Variants in ITPRIP observed in about 807,000 individuals in gnomAD.
ITPRIP encodes the protein inositol 1,4,5-trisphosphate receptor interacting protein.
In ITPRIP, 32 loss-of-function variants were observed where a neutral mutation model predicts 35.8. That is an observed-to-expected ratio of 0.89 (90% CI 0.68 to 1.20). The LOEUF (loss-of-function observed/expected upper bound fraction) is 1.20, where lower values mean the gene tolerates loss of function less well. Ranked by LOEUF, ITPRIP falls within the 50% of genes most tolerant of loss-of-function variation. ITPRIP has a pLI of 0.00. For synonymous variants in ITPRIP, 358 were observed against 324.0 expected, an observed-to-expected ratio of 1.11 and a Z score of -1.13; for missense variants, 653 against 735.6, an observed-to-expected ratio of 0.89 and a Z score of 1.30.
chr10:104,311,085 T>G lies in ITPRIP; in HGVS notation c.*3323A>C, dbSNP rs537617902. The G allele has an allele frequency of 7.9e-5, 12 of 152,306 alleles. No homozygotes were observed. Among genetic ancestry groups the G allele is most frequent in the African/African-American group, 2.9e-4 (12 of 41,548 alleles). The allele number at this position is 152,306 out of a possible 1,614,324, so 9.4% of individuals were successfully genotyped here. A position where few individuals can be genotyped will look rare whatever the true frequency, so the allele number is the denominator to read the frequency against. ...CAATGTCTCATGCACGTTAGGCTCC[T>G]GACAAATGCTTGTGGACTATTCATG... On this transcript the variant is annotated 3_prime_UTR_variant, in exon 2 of 2. Transcript: ENST00000337478.
At chr10:104,320,740 GT>G (rs1163464968) in intron 1 of ITPRIP, among the ~76,000 whole-genome samples, 1 of 152,054 alleles carries the variant, frequency 6.6e-6, no homozygotes, top group Admixed American at 6.5e-5. Flanking sequence ...TTTTCACCAT[GT>G]TGGCCAGGCT....
intron 1 of ITPRIP, among the ~76,000 whole-genome samples, chr10:104,334,148 C>T (rs2014199605): frequency 6.6e-6 from 1 of 152,204 alleles, no homozygotes; most frequent in Non-Finnish European, 1.5e-5. Flanking sequence ...TGGCTCTGGG[C>T]ACCTGGAGAT....
rs528105362 is a variant in ITPRIP at position 104,317,748 on chromosome 10, C to T, written c.-13-1684G>A. On this transcript the variant is annotated intron_variant, in intron 1 of 1. Transcript: ENST00000337478. ...CCATTCCCTTTGGCTTGAGCCCGAC[C>T]TGGAATTTGCACAATGAAATTCTTG... Among the ~76,000 whole-genome samples the T allele has an allele frequency of 4.9e-4, 75 of 152,226 alleles. 1 individual carries two copies. The highest frequency in any genetic ancestry group is 6.8e-4 in the Non-Finnish European group (46 of 68,044).
At position 104,328,338 on chromosome 10, in the gene ITPRIP, G is replaced by C. The variant is rs908774352; in HGVS notation, c.-14+9908C>G. The C allele has an allele frequency of 1.2e-4, 118 of 968,202 alleles. 1 individual carries two copies. The highest frequency in any genetic ancestry group is 1.4e-4 in the South Asian group (3 of 20,964). 60.0% of individuals were successfully genotyped at this position (968,202 alleles called of 1,614,324 possible). A position where few individuals can be genotyped will look rare whatever the true frequency, so the allele number is the denominator to read the frequency against. Reference sequence around the variant, plus strand: ...ACCCACAAGGGTGCTGGTTTGGAGAGAGCATGAATACCCACCTTGGGGCAG... The same window carrying C: ...ACCCACAAGGGTGCTGGTTTGGAGACAGCATGAATACCCACCTTGGGGCAG... On this transcript the variant is annotated intron_variant, in intron 1 of 1. Coordinates refer to ENST00000337478, the MANE Select transcript of ITPRIP (RefSeq NM_001272013.2). This position sits in a 1 kb window ranked among gnomAD's most constrained non-coding sequence, Gnocchi z 4.1.
chr10:104,325,444 C>A (rs1429807680), intron 1 of ITPRIP, among the ~76,000 whole-genome samples: 2 of 152,182 alleles, frequency 1.3e-5, no homozygotes, highest in African/African-American at 4.8e-5. Flanking sequence ...CTGATTACTC[C>A]CGTGTCTCCT....
In ITPRIP at chr10:104,319,177, C is replaced by T. The variant is rs572441148; in HGVS notation, c.-13-3113G>A. ...CTGTGGGTGGATCGCACAGCTTCTG[C>T]GCTCCCACGCTTTCCCTGTGAGGAG... On this transcript the variant is annotated intron_variant, in intron 1 of 1. Transcript: ENST00000337478. Among the ~76,000 whole-genome samples the T allele has an allele frequency of 1.0e-3, 158 of 152,356 alleles. 1 individual carries two copies. The highest frequency in any genetic ancestry group is 1.9e-3 in the South Asian group (9 of 4,832).
At position 104,311,030 on chromosome 10, in the gene ITPRIP, G is replaced by C. The variant is rs901776093; in HGVS notation, c.*3378C>G. ...TTCTGCTGCCTCTCCTAGGGAACAGGCTTGGTCCTATTCATTTTCCCATCT... is the reference window on the plus strand; with the variant it reads ...TTCTGCTGCCTCTCCTAGGGAACAGCCTTGGTCCTATTCATTTTCCCATCT... On this transcript the variant is annotated 3_prime_UTR_variant, in exon 2 of 2. Transcript: ENST00000337478. The C allele has an allele frequency of 6.6e-6, 1 of 152,364 alleles. No individual in the cohort carries two copies. The highest frequency in any genetic ancestry group is 2.4e-5 in the African/African-American group (1 of 41,454). The allele number at this position is 152,364 out of a possible 1,614,324, so 9.4% of individuals were successfully genotyped here.
intron 1 of ITPRIP, among the ~76,000 whole-genome samples, chr10:104,319,766 C>T (rs534852450): frequency 6.6e-6 from 1 of 151,948 alleles, no homozygotes; most frequent in South Asian, 2.1e-4. Context: ...CTGGGGACCC[C>T]AGGGGTCAGA....
chr10:104,313,334 G>A lies in ITPRIP; in HGVS notation c.*1074C>T. On this transcript the variant is annotated 3_prime_UTR_variant, in exon 2 of 2. Transcript: ENST00000337478. ...CATTTTTGAGCACCTCATCGAAGGA[G>A]TCTACTGTCTTACAGCAGAGACTTC... 1 of 986,300 alleles carries A rather than the reference G, an allele frequency of 1.0e-6. No homozygotes were observed. The highest frequency in any genetic ancestry group is 1.2e-6 in the Non-Finnish European group (1 of 830,482). 61.1% of individuals were successfully genotyped at this position (986,300 alleles called of 1,614,324 possible). A position where few individuals can be genotyped will look rare whatever the true frequency, so the allele number is the denominator to read the frequency against.
chr10:104,324,937 C>G (rs1445262892), intron 1 of ITPRIP, among the ~76,000 whole-genome samples: 1 of 152,250 alleles, frequency 6.6e-6, no homozygotes, highest in African/African-American at 2.4e-5. Context: ...GTGAGCAACA[C>G]TGGGTGCAGT....
chr10:104,315,864 G>T lies in ITPRIP; in HGVS notation c.188C>A (p.Ala63Glu), dbSNP rs771082850. ...CTGCTCCAGTGCCTCCTTTTCGGCCGCCAGCCGAGCCACCTCCTCCTCCAG... is the reference window on the plus strand; with the variant it reads ...CTGCTCCAGTGCCTCCTTTTCGGCCTCCAGCCGAGCCACCTCCTCCTCCAG... The part of the protein sequence containing the change: ...LRLEEEVARL[A>E]AEKEALEQVA... The change falls in exon 2 of 2, where the codon GCG (alanine) becomes GAG (glutamate). Residue 63 changes from alanine (A) to glutamate (E), a missense_variant. Transcript: ENST00000337478. The surrounding 1 kb of genome is among the most constrained non-coding windows in gnomAD (Gnocchi z 5.7). 2 of 1,612,932 alleles carry T rather than the reference G, an allele frequency of 1.2e-6. No individual in the cohort carries two copies. The highest frequency in any genetic ancestry group is 1.1e-5 in the South Asian group (1 of 91,030).
chr10:104,314,262 G>A lies in ITPRIP; in HGVS notation c.*146C>T. The A allele has an allele frequency of 6.7e-7, 1 of 1,488,364 alleles. No homozygotes were observed. The highest frequency in any genetic ancestry group is 8.9e-7 in the Non-Finnish European group (1 of 1,123,350). The allele number at this position is 1,488,364 out of a possible 1,614,324, so 92.2% of individuals were successfully genotyped here. ...GTTGAAATTCTGTTTCCTCTGCACT[G>A]TAGGGCTTGGCTTCCTGGCAGGCTG... is the stretch of plus-strand genomic sequence containing the variant. On this transcript the variant is annotated 3_prime_UTR_variant, in exon 2 of 2. Transcript: ENST00000337478.
chr10:104,332,460 C>T (rs540336338), intron 1 of ITPRIP, among the ~76,000 whole-genome samples: 5 of 152,246 alleles, frequency 3.3e-5, no homozygotes, highest in African/African-American at 9.6e-5. Context: ...AAGGACAAGG[C>T]GATTCCTGAA....
At position 104,310,386 on chromosome 10, in the gene ITPRIP, C is replaced by G. The variant is rs560644907; in HGVS notation, c.*4022G>C. On this transcript the variant is annotated 3_prime_UTR_variant, in exon 2 of 2. Transcript: ENST00000337478. ...CACTCAAAACCCGCCAATGGCCCAC[C>G]TCTGCTTGTTGTGAGGTCCAAATTT... is the stretch of plus-strand genomic sequence containing the variant. The G allele has an allele frequency of 2.0e-5, 3 of 152,254 alleles. No homozygotes were observed. In the South Asian group the frequency reaches 6.2e-4, roughly 32 times the overall value. 9.4% of individuals were successfully genotyped at this position (152,254 alleles called of 1,614,324 possible). A position where few individuals can be genotyped will look rare whatever the true frequency, so the allele number is the denominator to read the frequency against.
intron 1 of ITPRIP, among the ~76,000 whole-genome samples, chr10:104,337,320 T>A (rs897799567): frequency 1.3e-5 from 2 of 151,840 alleles, no homozygotes; most frequent in East Asian, 3.9e-4. Flanking sequence ...AAGACCAGAG[T>A]CCAGATTGCG....
intron 1 of ITPRIP, among the ~76,000 whole-genome samples, chr10:104,325,341 T>C (rs1324522933): frequency 1.3e-5 from 2 of 152,136 alleles, no homozygotes; most frequent in Non-Finnish European, 2.9e-5. Context: ...TCCTTACTCC[T>C]ACCCCATCAG....
chr10:104,317,936 C>A (rs1360104912), intron 1 of ITPRIP, among the ~76,000 whole-genome samples: 1 of 152,186 alleles, frequency 6.6e-6, no homozygotes, highest in African/African-American at 2.4e-5. Context: ...CCATACACAG[C>A]TGGACAGGTC....
chr10:104,310,798 A>C lies in ITPRIP; in HGVS notation c.*3610T>G, dbSNP rs1359419929. The stretch of plus-strand genomic sequence containing the variant: ...AGTCTCTATCTGGCAGCGCCCCACC[A>C]TGAGGCCTTCCCTAATCAGCCCAGG... On this transcript the variant is annotated 3_prime_UTR_variant, in exon 2 of 2. Coordinates refer to ENST00000337478, the MANE Select transcript of ITPRIP (RefSeq NM_001272013.2). 2 of 152,044 alleles carry C rather than the reference A, an allele frequency of 1.3e-5. No individual in the cohort carries two copies. Among genetic ancestry groups the C allele is most frequent in the African/African-American group, 4.8e-5 (2 of 41,396 alleles). The allele number at this position is 152,044 out of a possible 1,614,324, so 9.4% of individuals were successfully genotyped here. A position where few individuals can be genotyped will look rare whatever the true frequency, so the allele number is the denominator to read the frequency against.
Position 104,312,996 on chromosome 10 carries a change from C to T in ITPRIP, c.*1412G>A. ...CCTTCCTGATCCCCCTGAACCAGAC[C>T]TGGAGACGGAGCCCAGCTCCAACCA... is the stretch of plus-strand genomic sequence containing the variant. On this transcript the variant is annotated 3_prime_UTR_variant, in exon 2 of 2. Transcript: ENST00000337478. 6.1e-6 allele frequency: 6 copies of T among 985,466 alleles called. No individual in the cohort carries two copies. The highest frequency in any genetic ancestry group is 7.2e-6 in the Non-Finnish European group (6 of 829,974). The allele number at this position is 985,466 out of a possible 1,614,324, so 61.0% of individuals were successfully genotyped here.
Sources: gnomAD v4.1 joint callset for allele counts (sites outside exome capture counted in the v4.1 genomes callset) on GRCh38, gnomAD v4.1.1 for gene constraint, Gnocchi (gnomAD v3.1) non-coding constraint, MANE v1.5 for transcripts, NCBI Gene and HGNC (gene_info 2026-07-23, HGNC 2026-07-21) for gene names.